Variants in SAMD12 observed in about 807,000 individuals in gnomAD.
SAMD12 encodes sterile alpha motif domain containing 12.
In SAMD12, 9 loss-of-function variants were observed where a neutral mutation model predicts 15.0. That is an observed-to-expected ratio of 0.60 (90% CI 0.36 to 1.05). The LOEUF (loss-of-function observed/expected upper bound fraction) is 1.05, where lower values mean the gene tolerates loss of function less well. Ranked by LOEUF, SAMD12 falls within the 50% of genes least tolerant of loss-of-function variation. The pLI is 0.01. For missense variants in SAMD12, 230 were observed against 234.2 expected, an observed-to-expected ratio of 0.98 and a Z score of 0.12; for synonymous variants, 86 against 90.1, an observed-to-expected ratio of 0.96 and a Z score of 0.25.
chr8:118,446,208 CTT>C (rs199946506), intron 2 of SAMD12, among the ~76,000 whole-genome samples: 3,526 of 134,888 alleles, frequency 0.026, 121 homozygotes, highest in African/African-American at 0.088. Context: ...GTTGTAGTGT[CTT>C]TTTTTTTTTT....
chr8:118,370,730 A>G (rs1434684367), intron 4 of SAMD12, among the ~76,000 whole-genome samples: 5 of 152,316 alleles, frequency 3.3e-5, no homozygotes, highest in Admixed American at 3.3e-4. Context: ...TGGGAACTGA[A>G]CAATGAGAAC....
rs186417415 is a variant in SAMD12 at position 118,351,980 on chromosome 8, T to A, written c.433+27580A>T. On this transcript the variant is annotated intron_variant, in intron 4 of 4. Coordinates refer to the SAMD12 transcript ENST00000409003. ...TATTAGGATTATCCAACCAATGTAT[T>A]TGGCCCATTGTTTTGCTGAAGCCAC... 1.4e-4 allele frequency among the ~76,000 whole-genome samples: 22 copies of A among 152,318 alleles called. No individual in the cohort carries two copies. In the East Asian group the frequency reaches 4.3e-3, roughly 29 times the overall value.
rs556021677 is a variant in SAMD12, at chr8:118,563,840, C to T, written c.192+16875G>A. ...TCCCTCTATTATCTGTGAGTTTTGACCAATGCACACAAGCCTCTGCTTCCT... is the reference window on the plus strand; with the variant it reads ...TCCCTCTATTATCTGTGAGTTTTGATCAATGCACACAAGCCTCTGCTTCCT... On this transcript the variant is annotated intron_variant, in intron 2 of 3. Coordinates refer to ENST00000314727, the MANE Select transcript of SAMD12 (RefSeq NM_207506.3). 3.9e-5 allele frequency among the ~76,000 whole-genome samples: 6 copies of T among 152,294 alleles called. No individual in the cohort carries two copies. In the South Asian group the frequency reaches 1.2e-3, roughly 32 times the overall value.
intron 2 of SAMD12, among the ~76,000 whole-genome samples, chr8:118,513,914 C>T (rs577066284): frequency 6.6e-6 from 1 of 152,330 alleles, no homozygotes; most frequent in Non-Finnish European, 1.5e-5. Context: ...CATCACTATT[C>T]CATCCCAGCC....
intron 4 of SAMD12, chr8:118,291,280 C>T (rs1814349862): frequency 6.6e-6 from 1 of 152,092 alleles, no homozygotes; most frequent in Non-Finnish European, 1.5e-5. Flanking sequence ...GAAAGAGAGT[C>T]CCCATCCAGG....
intron 4 of SAMD12, among the ~76,000 whole-genome samples, chr8:118,258,755 T>C (rs1333024180): frequency 1.3e-5 from 2 of 152,070 alleles, no homozygotes; most frequent in African/African-American, 4.8e-5. Context: ...TACTCTAAAT[T>C]GAGGATATGG....
exon 5 of SAMD12, chr8:118,195,173 GGCCA>G (rs1363992010): frequency 6.6e-5 from 10 of 152,078 alleles, no homozygotes; most frequent in African/African-American, 2.4e-4. Context: ...ATTTTGCAAA[GGCCA>G]AAGTAAGTAA....
chr8:118,505,047 T>C (rs1477356060), intron 2 of SAMD12, among the ~76,000 whole-genome samples: 1 of 152,254 alleles, frequency 6.6e-6, no homozygotes, highest in Admixed American at 6.5e-5. Context: ...TCATTTCTGT[T>C]GCTTTAAGCT....
At chr8:118,140,278 A>T in the SAMD12 span, among the ~76,000 whole-genome samples, 44 of 148,036 alleles carry the variant, frequency 3.0e-4, no homozygotes, top group African/African-American at 9.9e-4. Context: ...TTTGTCTTTT[A>T]TTTTTTTTTT....
At chr8:118,319,120 A>G (rs957497274) in intron 4 of SAMD12, among the ~76,000 whole-genome samples, 3 of 152,174 alleles carry the variant, frequency 2.0e-5, no homozygotes, top group Admixed American at 2.0e-4. Flanking sequence ...TATAAACCAT[A>G]AGGTATAGTT....
chr8:118,585,814 A>C (rs532588202), intron 1 of SAMD12, among the ~76,000 whole-genome samples: 32 of 152,294 alleles, frequency 2.1e-4, no homozygotes, highest in African/African-American at 7.2e-4. Flanking sequence ...CATGTGATTT[A>C]GGTGACAGTA....
At chr8:118,165,317 C>A in the SAMD12 span, among the ~76,000 whole-genome samples, 10,727 of 151,954 alleles carry the variant, frequency 0.071, 1,031 homozygotes, top group African/African-American at 0.22. Flanking sequence ...TCGGGAACAG[C>A]CAGACAGAAG....
At chr8:118,561,927 A>T (rs553546367) in intron 2 of SAMD12, among the ~76,000 whole-genome samples, 40 of 152,360 alleles carry the variant, frequency 2.6e-4, no homozygotes, top group Non-Finnish European at 5.3e-4. Context: ...AAAGCTATAA[A>T]ATATAATCAA....
In SAMD12 at chr8:118,621,889, T is replaced by C. The variant is rs765694695; in HGVS notation, c.-73A>G. 3.9e-6 allele frequency: 6 copies of C among 1,522,530 alleles called. No individual in the cohort carries two copies. The East Asian group carries it at 1.4e-4, about 34-fold the overall frequency. The allele number at this position is 1,522,530 out of a possible 1,614,324, so 94.3% of individuals were successfully genotyped here. On this transcript the variant is annotated 5_prime_UTR_variant, in exon 1 of 4. Coordinates refer to ENST00000314727, the MANE Select transcript of SAMD12 (RefSeq NM_207506.3). ...CTCCTCCTGCCCCGCGCTCCCCCCT[T>C]CCTCTCGCTTTCGCCTAAATATTCT...
In SAMD12 at chr8:118,221,612, A is replaced by C. The variant is rs73318046; in HGVS notation, c.434-23880T>G. Among the ~76,000 whole-genome samples, 1,292 of 152,144 alleles carry C rather than the reference A, an allele frequency of 8.5e-3. 19 individuals are homozygous for C. The highest frequency in any genetic ancestry group is 0.029 in the African/African-American group (1,224 of 41,552). ...ATGGGGTTGTAGTGGCTTGCAACCT[A>C]ATCTAGTGTTTGGAGCCAGATCATG... is the stretch of plus-strand genomic sequence containing the variant. On this transcript the variant is annotated intron_variant, in intron 4 of 4. Coordinates refer to the SAMD12 transcript ENST00000409003.
At chr8:118,551,935 G>C (rs906734050) in intron 2 of SAMD12, among the ~76,000 whole-genome samples, 62 of 151,296 alleles carry the variant, frequency 4.1e-4, no homozygotes, top group African/African-American at 9.0e-4. Flanking sequence ...AGAAGAAATG[G>C]ATAAATTCCT....
intron 4 of SAMD12, among the ~76,000 whole-genome samples, chr8:118,306,621 C>T (rs1401463120): frequency 6.6e-6 from 1 of 152,140 alleles, no homozygotes; most frequent in Non-Finnish European, 1.5e-5. Context: ...GGAGTAAAGC[C>T]ACCACCCCAG....
chr8:118,446,112 A>C (rs1272587106), intron 2 of SAMD12, among the ~76,000 whole-genome samples: 2 of 152,138 alleles, frequency 1.3e-5, no homozygotes, highest in Non-Finnish European at 2.9e-5. Flanking sequence ...CATAAACAAA[A>C]GCTCTTTGAG....
chr8:118,456,390 G>A (rs1823251543), intron 2 of SAMD12, among the ~76,000 whole-genome samples: 1 of 152,108 alleles, frequency 6.6e-6, no homozygotes, highest in South Asian at 2.1e-4. Flanking sequence ...TATCCCTTAT[G>A]GTGATCTGAT....
Sources: gnomAD v4.1 joint callset for allele counts (sites outside exome capture counted in the v4.1 genomes callset) on GRCh38, gnomAD v4.1.1 for gene constraint, MANE v1.5 for transcripts, NCBI Gene and HGNC (gene_info 2026-07-23, HGNC 2026-07-21) for gene names.